LGALS9: variants seen among roughly 807,000 people sequenced by gnomAD.
LGALS9 encodes galectin-9.
Under a neutral mutation model 35.9 loss-of-function variants are expected in LGALS9, and 26 were observed. The observed-to-expected ratio is 0.72, with a 90% CI of 0.53 to 1.01. LGALS9 has a LOEUF of 1.01. LGALS9 is among the 50% of genes least tolerant of loss of function. LGALS9 has a pLI of 0.00. For missense variants in LGALS9, 347 were observed against 445.8 expected, an observed-to-expected ratio of 0.78 and a Z score of 1.99; for synonymous variants, 149 against 172.2, an observed-to-expected ratio of 0.87 and a Z score of 1.06.
intron 3 of LGALS9, among the ~76,000 whole-genome samples, chr17:27,641,898 A>G (rs188880533): frequency 1.3e-5 from 2 of 152,118 alleles, no homozygotes; most frequent in East Asian, 1.9e-4. Context: ...CACTTGACCC[A>G]CTGCACTCCA....
At chr17:27,645,463 A>C in intron 6 of LGALS9, 114 bp downstream of exon 6, 2 of 1,433,052 alleles carry the variant, frequency 1.4e-6, no homozygotes, top group Non-Finnish European at 9.5e-7. Flanking sequence ...GGCACAGACC[A>C]GACCCTTGAC....
chr17:27,637,760 G>A (rs1047915595), intron 1 of LGALS9, among the ~76,000 whole-genome samples: 4 of 152,204 alleles, frequency 2.6e-5, no homozygotes, highest in Non-Finnish European at 4.4e-5. Flanking sequence ...CTCCTCGGGT[G>A]AGTCGAAGGT....
chr17:27,648,548 C>G (rs1905098410), intron 10 of LGALS9, among the ~76,000 whole-genome samples: 1 of 152,148 alleles, frequency 6.6e-6, no homozygotes, highest in Non-Finnish European at 1.5e-5. Flanking sequence ...TGCAGGAGCC[C>G]AGGCCCAGAG....
intron 1 of LGALS9, among the ~76,000 whole-genome samples, chr17:27,632,298 C>T (rs1344573135): frequency 1.3e-5 from 2 of 152,028 alleles, no homozygotes; most frequent in Non-Finnish European, 2.9e-5. Context: ...AGGCAGGGTA[C>T]TGAGGGAGGG....
At position 27,649,000 on chromosome 17, in the gene LGALS9, G is replaced by C; in HGVS notation, c.*18G>C. 1 of 1,613,876 alleles carries C rather than the reference G, an allele frequency of 6.2e-7. No individual in the cohort carries two copies. Among genetic ancestry groups the C allele is most frequent in the Non-Finnish European group, 8.5e-7 (1 of 1,179,812 alleles). ...AGACATAGGCGGCTTCCTGGCCCTG[G>C]GGCCGGGGGCTGGGGTGTGGGGCAG... On this transcript the variant is annotated 3_prime_UTR_variant, in exon 11 of 11. Coordinates refer to ENST00000395473, the MANE Select transcript of LGALS9 (RefSeq NM_009587.3).
Position 27,631,270 on chromosome 17 carries a change from C to A in LGALS9, c.5C>A (p.Ala2Asp), listed in dbSNP as rs141915934. Reference protein sequence around the residue: MAFSGSQAPYLS... With the variant: MDFSGSQAPYLS... ...GGCCACAGAGGCGGCGGAGAGATGG[C>A]CTTCAGCGGTTCCCAGGCTCCCTAC... The change falls in exon 1 of 11, where the codon GCC (alanine) becomes GAC (aspartate). Residue 2 changes from alanine to aspartate, a missense_variant. By Grantham distance (126) the Ala-to-Asp change is moderately radical. Transcript: ENST00000395473. 2 of 1,614,140 alleles carry A rather than the reference C, an allele frequency of 1.2e-6. No individual in the cohort carries two copies. Among genetic ancestry groups the A allele is most frequent in the East Asian group, 2.2e-5 (1 of 44,884 alleles).
Position 27,647,411 on chromosome 17 carries a change from C to T in LGALS9, c.900C>T (p.Phe300=), listed in dbSNP as rs1351399157. The change falls in exon 10 of 11, where the codon TTC becomes TTT. Residue 300 remains phenylalanine (F), a synonymous_variant. Coordinates refer to ENST00000395473, the MANE Select transcript of LGALS9 (RefSeq NM_009587.3). ...GAAGTCTGCCCCGAAAAATGCCCTT[C>T]GTCCGTGGCCAGAGCTTCTCAGTAA... ...EERSLPRKMP[F]VRGQSFSVWI... 4 of 1,614,168 alleles carry T rather than the reference C, an allele frequency of 2.5e-6. No homozygotes were observed. The highest frequency in any genetic ancestry group is 2.2e-5 in the East Asian group (1 of 44,880).
Position 27,631,209 on chromosome 17 carries a change from A to G in LGALS9, c.-57A>G, listed in dbSNP as rs1047776592. ...ATTTCTTTGTTAAGTCGTTCCCTCT[A>G]CAAAGGACTTCCTAGTGGGTGTGAA... is the stretch of plus-strand genomic sequence containing the variant. On this transcript the variant is annotated 5_prime_UTR_variant, in exon 1 of 11. Transcript: ENST00000395473. 5.0e-6 allele frequency: 8 copies of G among 1,613,138 alleles called. No individual in the cohort carries two copies. Among genetic ancestry groups the G allele is most frequent in the Middle Eastern group, 3.3e-4 (2 of 6,062 alleles).
intron 3 of LGALS9, among the ~76,000 whole-genome samples, chr17:27,642,015 C>A (rs1011171721): frequency 6.6e-6 from 1 of 152,144 alleles, no homozygotes; most frequent in African/African-American, 2.4e-5. Flanking sequence ...ACTAGAAAGA[C>A]AAACCTACTG....
At chr17:27,647,883 T>A (rs1905061539) in intron 10 of LGALS9, among the ~76,000 whole-genome samples, 1 of 152,258 alleles carries the variant, frequency 6.6e-6, no homozygotes, top group Admixed American at 6.5e-5. Context: ...ATGGACAGAT[T>A]GTCACAGATA....
intron 1 of LGALS9, among the ~76,000 whole-genome samples, chr17:27,633,727 T>C (rs2074414191): frequency 6.6e-6 from 1 of 152,248 alleles, no homozygotes. Flanking sequence ...CACTGTCATG[T>C]CTGACATGAG....
Position 27,640,723 on chromosome 17 carries a change from A to C in LGALS9, c.283A>C (p.Lys95Gln). The change falls in exon 3 of 11, where the codon AAG becomes CAG. Residue 95 changes from lysine to glutamine, a missense_variant. Transcript: ENST00000395473. ...GAGGAAGACACACATGCCTTTCCAGAAGGGGATGCCCTTTGACCTCTGCTT... is the reference window on the plus strand; with the variant it reads ...GAGGAAGACACACATGCCTTTCCAGCAGGGGATGCCCTTTGACCTCTGCTT... ...EERKTHMPFQ[K>Q]GMPFDLCFLV... is the part of the protein sequence containing the mutation. 6.2e-7 allele frequency: 1 copy of C among 1,614,206 alleles called. No homozygotes were observed. Among genetic ancestry groups the C allele is most frequent in the Non-Finnish European group, 8.5e-7 (1 of 1,180,040 alleles).
In LGALS9 at chr17:27,642,230, T is replaced by C; in HGVS notation, c.334-8T>C. 2 of 1,604,968 alleles carry C rather than the reference T, an allele frequency of 1.2e-6. No homozygotes were observed. The highest frequency in any genetic ancestry group is 8.5e-7 in the Non-Finnish European group (1 of 1,174,692). ...GCCTCCCCCAGAACATGTGCTCTCC[T>C]CTGGCAGGTGATGGTGAACGGGATC... On this transcript the variant is annotated splice_polypyrimidine_tract_variant and splice_region_variant and intron_variant, in intron 3 of 10. Coordinates refer to ENST00000395473, the MANE Select transcript of LGALS9 (RefSeq NM_009587.3).
In LGALS9 at chr17:27,631,204, C is replaced by T. The variant is rs2074388766; in HGVS notation, c.-62C>T. 1 of 1,610,682 alleles carries T rather than the reference C, an allele frequency of 6.2e-7. No individual in the cohort carries two copies. Among genetic ancestry groups the T allele is most frequent in the Non-Finnish European group, 8.5e-7 (1 of 1,177,882 alleles). ...TTTCTATTTCTTTGTTAAGTCGTTCCCTCTACAAAGGACTTCCTAGTGGGT... is the reference window on the plus strand; with the variant it reads ...TTTCTATTTCTTTGTTAAGTCGTTCTCTCTACAAAGGACTTCCTAGTGGGT... On this transcript the variant is annotated 5_prime_UTR_variant, in exon 1 of 11. Coordinates refer to ENST00000395473, the MANE Select transcript of LGALS9 (RefSeq NM_009587.3).
intron 7 of LGALS9, 83 bp downstream of exon 7, chr17:27,645,994 G>T: frequency 3.1e-6 from 5 of 1,600,776 alleles, no homozygotes; most frequent in South Asian, 1.1e-5. Context: ...CCCTAGAGTC[G>T]GGAAGAAAGC....
At position 27,647,252 on chromosome 17, in the gene LGALS9, G is replaced by A. The variant is rs1474726869; in HGVS notation, c.759-18G>A. On this transcript the variant is annotated intron_variant, in intron 9 of 10. Coordinates refer to ENST00000395473, the MANE Select transcript of LGALS9 (RefSeq NM_009587.3). ...CAGAATTCGGTGGATAAAGGTTCAG[G>A]TGGGCTGCCCACCCCAGGTTCCACA... 6.2e-7 allele frequency: 1 copy of A among 1,613,492 alleles called. No individual in the cohort carries two copies. The highest frequency in any genetic ancestry group is 1.3e-5 in the African/African-American group (1 of 74,914).
At position 27,642,209 on chromosome 17, in the gene LGALS9, C is replaced by T. The variant is rs200078230; in HGVS notation, c.334-29C>T. On this transcript the variant is annotated intron_variant, in intron 3 of 10. Coordinates refer to ENST00000395473, the MANE Select transcript of LGALS9 (RefSeq NM_009587.3). ...GTCCCCATCCCAGCCTGGGATGCCTCCCCCAGAACATGTGCTCTCCTCTGG... is the reference window on the plus strand; with the variant it reads ...GTCCCCATCCCAGCCTGGGATGCCTTCCCCAGAACATGTGCTCTCCTCTGG... The T allele has an allele frequency of 4.5e-6, 7 of 1,555,920 alleles. 1 individual carries two copies. The highest frequency in any genetic ancestry group is 3.4e-5 in the South Asian group (3 of 87,930).
Position 27,649,379 on chromosome 17 carries a change from T to A in LGALS9, c.*397T>A, listed in dbSNP as rs1218061041. On this transcript the variant is annotated 3_prime_UTR_variant, in exon 11 of 11. Transcript: ENST00000395473. ...GGGAGGTGGCCTCCTCAGCCCCTCCTCTCTGACCTTTAACCTCACTCTCAC... is the reference window on the plus strand; with the variant it reads ...GGGAGGTGGCCTCCTCAGCCCCTCCACTCTGACCTTTAACCTCACTCTCAC... The A allele has an allele frequency of 3.1e-6, 1 of 323,506 alleles. No individual in the cohort carries two copies. Among genetic ancestry groups the A allele is most frequent in the Non-Finnish European group, 6.0e-6 (1 of 165,844 alleles). 20.0% of individuals were successfully genotyped at this position (323,506 alleles called of 1,614,324 possible). A position where few individuals can be genotyped will look rare whatever the true frequency, so the allele number is the denominator to read the frequency against.
intron 3 of LGALS9, 168 bp downstream of exon 3, chr17:27,640,941 A>ATC: frequency 9.6e-7 from 1 of 1,043,084 alleles, no homozygotes; most frequent in African/African-American, 1.6e-5. Context: ...TAGTCTCCTT[A>ATC]TGCACCTTCA....
Sources: gnomAD v4.1 joint callset for allele counts (sites outside exome capture counted in the v4.1 genomes callset) on GRCh38, gnomAD v4.1.1 for gene constraint, MANE v1.5 for transcripts, NCBI Gene and HGNC (gene_info 2026-07-23, HGNC 2026-07-21) for gene names.